Variants in CTNNA2 observed in about 807,000 individuals in gnomAD.
CTNNA2 encodes the protein catenin alpha 2.
CTNNA2 carries 42 observed loss-of-function variants against 101.0 expected under a neutral mutation model. The observed-to-expected ratio is 0.42, with a 90% CI of 0.32 to 0.54. The LOEUF (loss-of-function observed/expected upper bound fraction) is 0.54. Ranked by LOEUF, CTNNA2 falls within the 20% of genes least tolerant of loss-of-function variation. The pLI is 0.14. For synonymous variants in CTNNA2, 450 were observed against 456.4 expected (o/e 0.99, Z 0.18); for missense variants, 871 against 1,223.1 (o/e 0.71, Z 4.29).
At chr2:79,998,148 A>G (rs1208133016) in intron 7 of CTNNA2, among the ~76,000 whole-genome samples, 1 of 152,206 alleles carries the variant, frequency 6.6e-6, no homozygotes, top group Non-Finnish European at 1.5e-5. Flanking sequence ...AAGGAAATGA[A>G]CCATTTTTAA....
At chr2:79,373,309 TAAAC>T (rs1431401539) in intron 3 of CTNNA2, among the ~76,000 whole-genome samples, 1 of 152,144 alleles carries the variant, frequency 6.6e-6, no homozygotes, top group African/African-American at 2.4e-5. Context: ...TGCAGACAAA[TAAAC>T]ACGTAAATGA....
At chr2:80,126,336 C>G (rs1702106142) in intron 7 of CTNNA2, among the ~76,000 whole-genome samples, 1 of 151,710 alleles carries the variant, frequency 6.6e-6, no homozygotes, top group Admixed American at 6.6e-5. Context: ...TTGCATGACC[C>G]CCTCCTCTCC....
chr2:79,258,845 CAA>C (rs869066159), intron 2 of CTNNA2, among the ~76,000 whole-genome samples: 100 of 91,352 alleles, frequency 1.1e-3, no homozygotes, highest in Middle Eastern at 0.013. Context: ...AATCCTCTAC[CAA>C]AAAAAAAAAA....
chr2:80,619,037 T>G, intron 17 of CTNNA2, 48 bp from the exon 18 acceptor site: 1 of 1,211,820 alleles, frequency 8.3e-7, no homozygotes, highest in Non-Finnish European at 1.1e-6. Flanking sequence ...TTTTTTTTTC[T>G]TTTGCTCTCT....
At chr2:79,322,195 G>C (rs561108870) in intron 3 of CTNNA2, among the ~76,000 whole-genome samples, 5 of 152,190 alleles carry the variant, frequency 3.3e-5, no homozygotes, top group African/African-American at 9.7e-5. Context: ...AAGGAACTAA[G>C]ATAATTGTCA....
intron 17 of CTNNA2, among the ~76,000 whole-genome samples, chr2:80,613,255 C>T (rs1698606296): frequency 1.3e-5 from 2 of 151,278 alleles, no homozygotes; most frequent in African/African-American, 2.4e-5. Context: ...ACATTCATAC[C>T]AGTATGAATG....
intron 12 of CTNNA2, among the ~76,000 whole-genome samples, chr2:80,571,061 G>A (rs1375590615): frequency 6.6e-6 from 1 of 152,132 alleles, no homozygotes; most frequent in Non-Finnish European, 1.5e-5. Flanking sequence ...CAACCTAATA[G>A]CATGTCACCT....
chr2:80,154,140 T>C (rs1703868638), intron 7 of CTNNA2, among the ~76,000 whole-genome samples: 1 of 152,236 alleles, frequency 6.6e-6, no homozygotes, highest in African/African-American at 2.4e-5. Flanking sequence ...TTATAATTAT[T>C]ATTTAGGCAC....
chr2:80,543,693 G>C (rs1483737581), intron 9 of CTNNA2, among the ~76,000 whole-genome samples: 1 of 152,136 alleles, frequency 6.6e-6, no homozygotes, highest in Non-Finnish European at 1.5e-5. Flanking sequence ...CTCCAGGCCT[G>C]TACTCTTCTC....
chr2:80,143,636 G>A (rs903703664), intron 7 of CTNNA2, among the ~76,000 whole-genome samples: 2 of 152,030 alleles, frequency 1.3e-5, no homozygotes, highest in Non-Finnish European at 2.9e-5. Context: ...TAGATTTCAC[G>A]ATATTACGTA....
At chr2:80,476,436 A>T (rs1685736262) in intron 9 of CTNNA2, among the ~76,000 whole-genome samples, 1 of 152,166 alleles carries the variant, frequency 6.6e-6, no homozygotes, top group East Asian at 1.9e-4. Context: ...CTGGACTTTA[A>T]CTCAGTGTTT....
intron 3 of CTNNA2, among the ~76,000 whole-genome samples, chr2:79,758,796 G>T (rs565200848): frequency 3.3e-5 from 5 of 152,226 alleles, no homozygotes; most frequent in African/African-American, 1.2e-4. Flanking sequence ...TTATGGCTTT[G>T]TAGTATTTGC....
chr2:80,441,209 C>T (rs570160443), intron 9 of CTNNA2, among the ~76,000 whole-genome samples: 6 of 152,188 alleles, frequency 3.9e-5, no homozygotes, highest in Middle Eastern at 3.4e-3. Flanking sequence ...TAGGGATTCA[C>T]GCAGTGGGTA....
intron 7 of CTNNA2, chr2:80,298,747 T>C (rs1182140890): frequency 5.3e-5 from 8 of 152,346 alleles, no homozygotes; most frequent in African/African-American, 1.9e-4. Context: ...TTTTAAATGG[T>C]TGAGAAAACT....
intron 7 of CTNNA2, among the ~76,000 whole-genome samples, chr2:80,385,101 T>C (rs1345621018): frequency 6.6e-6 from 1 of 152,140 alleles, no homozygotes; most frequent in African/African-American, 2.4e-5. Context: ...TTCTATATAA[T>C]GACAAGCAAA....
intron 13 of CTNNA2, among the ~76,000 whole-genome samples, chr2:80,575,509 G>A (rs1573329102): frequency 6.6e-6 from 1 of 151,960 alleles, no homozygotes; most frequent in Admixed American, 6.6e-5. Flanking sequence ...TATAAGAATT[G>A]GAAGAGAGGG....
intron 16 of CTNNA2, chr2:80,605,159 A>T (rs1219629333): frequency 7.2e-5 from 11 of 151,948 alleles, no homozygotes; most frequent in Non-Finnish European, 1.6e-4. Flanking sequence ...AAGAGTTCTC[A>T]CCTTGAATGT....
intron 3 of CTNNA2, among the ~76,000 whole-genome samples, chr2:79,761,952 A>G (rs1322077296): frequency 1.3e-5 from 2 of 152,184 alleles, no homozygotes. Flanking sequence ...TTTTATGCCA[A>G]GAGCTCTGAA....
At chr2:79,635,781 G>C (rs1558789876) in intron 1 of CTNNA2, among the ~76,000 whole-genome samples, 1 of 151,492 alleles carries the variant, frequency 6.6e-6, no homozygotes. Flanking sequence ...TGGGATTACA[G>C]GCATGAGCCA....
Sources: allele counts gnomAD v4.1 joint callset (sites outside exome capture counted in the v4.1 genomes callset), GRCh38; gene constraint gnomAD v4.1.1; transcripts MANE v1.5; gene names NCBI Gene and HGNC (gene_info 2026-07-23, HGNC 2026-07-21).